The following SYN3 variants were observed in gnomAD, a reference collection of about 807,000 sequenced individuals.
The protein encoded by SYN3 is synapsin-3.
SYN3 carries 35 observed loss-of-function variants against 65.8 expected under a neutral mutation model. The observed-to-expected ratio is 0.53, with a 90% CI of 0.41 to 0.70. The LOEUF is 0.70. Ranked by LOEUF, SYN3 falls within the 30% of genes least tolerant of loss-of-function variation. The pLI is 0.00. For missense variants in SYN3, 680 were observed against 749.0 expected (o/e 0.91, Z 1.08); for synonymous variants, 270 against 292.9 (o/e 0.92, Z 0.80).
In SYN3 at chr22:32,509,559, GTAT is replaced by G. The variant is rs10554196; in HGVS notation, c.*4130_*4132del. Among the ~76,000 whole-genome samples, 69,673 of 149,548 alleles carry G rather than the reference GTAT, an allele frequency of 0.47. 17,183 individuals are homozygous for G. The highest frequency in any genetic ancestry group is 0.62 in the African/African-American group (25,146 of 40,364). On this transcript the variant is annotated 3_prime_UTR_variant, in exon 14 of 14. Transcript: ENST00000358763. ...GTTCATACACAGACCAATGGGGAAA[GTAT>G]TATTATTATTATTATTATTATTTTG...
At chr22:32,995,011 G>A (rs1056061076) in intron 2 of SYN3, among the ~76,000 whole-genome samples, 5 of 152,186 alleles carry the variant, frequency 3.3e-5, no homozygotes, top group Admixed American at 2.0e-4. Context: ...GAGGTTCGGA[G>A]GTTGGATTTG....
intron 6 of SYN3, among the ~76,000 whole-genome samples, chr22:32,631,834 A>G (rs2059751385): frequency 6.6e-6 from 1 of 152,214 alleles, no homozygotes; most frequent in Non-Finnish European, 1.5e-5. Flanking sequence ...GTGATGTATT[A>G]TTTGAACCCA....
intron 4 of SYN3, among the ~76,000 whole-genome samples, chr22:32,905,763 T>C (rs989973212): frequency 1.3e-5 from 2 of 152,324 alleles, no homozygotes; most frequent in South Asian, 2.1e-4. Flanking sequence ...TGCCCTCCTA[T>C]ATGGGCAGCT....
At chr22:32,877,275 G>A (rs9609646) in intron 4 of SYN3, among the ~76,000 whole-genome samples, 2 of 152,168 alleles carry the variant, frequency 1.3e-5, no homozygotes, top group Non-Finnish European at 2.9e-5. Flanking sequence ...AATACCATGA[G>A]ACTTCAGGCC....
chr22:32,577,308 A>G (rs932545124), intron 7 of SYN3, among the ~76,000 whole-genome samples: 4 of 152,144 alleles, frequency 2.6e-5, no homozygotes, highest in African/African-American at 9.7e-5. Flanking sequence ...GACACAGCTG[A>G]AGTTTCCCAC....
rs78527989 is a variant in SYN3 at position 32,910,183 on chromosome 22, C to T, written c.461+21207G>A. ...TTTATTTTAAAATGAATGGGTTAGGCTAGCCCACGTGTTTTTAAACTCTTG... is the reference window on the plus strand; with the variant it reads ...TTTATTTTAAAATGAATGGGTTAGGTTAGCCCACGTGTTTTTAAACTCTTG... On this transcript the variant is annotated intron_variant, in intron 4 of 13. Coordinates refer to ENST00000358763, the MANE Select transcript of SYN3 (RefSeq NM_003490.4). 9.2e-3 allele frequency among the ~76,000 whole-genome samples: 1,405 copies of T among 152,280 alleles called. 20 individuals are homozygous for T. Among genetic ancestry groups the T allele is most frequent in the African/African-American group, 0.032 (1,321 of 41,550 alleles).
intron 4 of SYN3, among the ~76,000 whole-genome samples, chr22:32,927,880 G>T (rs576927635): frequency 6.6e-6 from 1 of 152,102 alleles, no homozygotes; most frequent in Non-Finnish European, 1.5e-5. Context: ...TTATAGGTTG[G>T]CAATTAATTT....
chr22:32,575,845 A>G (rs2058842939), intron 7 of SYN3, among the ~76,000 whole-genome samples: 1 of 152,136 alleles, frequency 6.6e-6, no homozygotes, highest in Non-Finnish European at 1.5e-5. Context: ...TTAAAAAATA[A>G]ATAAAGTTCC....
At chr22:32,959,369 G>A (rs950788728) in intron 3 of SYN3, among the ~76,000 whole-genome samples, 7 of 151,814 alleles carry the variant, frequency 4.6e-5, no homozygotes, top group African/African-American at 1.5e-4. Context: ...GCCCAGTCTC[G>A]GGTATGTCTT....
chr22:32,870,861 G>A (rs935981777), intron 4 of SYN3, among the ~76,000 whole-genome samples: 4 of 152,116 alleles, frequency 2.6e-5, no homozygotes, highest in Non-Finnish European at 5.9e-5. Flanking sequence ...AAACAAAATA[G>A]GGTCTCCAGT....
intron 6 of SYN3, among the ~76,000 whole-genome samples, chr22:32,834,992 A>T (rs183987381): frequency 1.3e-4 from 20 of 152,094 alleles, no homozygotes; most frequent in African/African-American, 4.1e-4. Context: ...CAGCCATGTG[A>T]CCTCCGACCT....
intron 3 of SYN3, among the ~76,000 whole-genome samples, chr22:32,938,061 A>C (rs1243590852): frequency 6.6e-6 from 1 of 152,322 alleles, no homozygotes; most frequent in East Asian, 1.9e-4. Flanking sequence ...ACAGCAGGAC[A>C]TAGAATAACC....
intron 13 of SYN3, among the ~76,000 whole-genome samples, chr22:32,516,846 A>T (rs1272959205): frequency 6.6e-6 from 1 of 152,148 alleles, no homozygotes; most frequent in Non-Finnish European, 1.5e-5. Context: ...GGGGATAAGA[A>T]ATAGTTATTA....
intron 3 of SYN3, among the ~76,000 whole-genome samples, chr22:32,956,082 T>C (rs2051449157): frequency 7.5e-6 from 1 of 133,764 alleles, no homozygotes; most frequent in Non-Finnish European, 1.5e-5. Context: ...ATTAGTTCTG[T>C]CCCTGTAGAG....
intron 6 of SYN3, among the ~76,000 whole-genome samples, chr22:32,598,525 GCT>G (rs1569077252): frequency 6.6e-6 from 1 of 152,020 alleles, no homozygotes; most frequent in Non-Finnish European, 1.5e-5. Context: ...TCACTCTTTC[GCT>G]CAGGCTGAAG....
At chr22:32,789,154 A>C (rs1393094378) in intron 6 of SYN3, among the ~76,000 whole-genome samples, 1 of 152,238 alleles carries the variant, frequency 6.6e-6, no homozygotes, top group African/African-American at 2.4e-5. Context: ...GCCAGCAACC[A>C]GTTCATACAA....
At chr22:32,664,808 T>C (rs2147028829) in intron 6 of SYN3, among the ~76,000 whole-genome samples, 1 of 151,296 alleles carries the variant, frequency 6.6e-6, no homozygotes, top group South Asian at 2.1e-4. Flanking sequence ...GCCAGGATGG[T>C]CTCGATCTCC....
intron 9 of SYN3, among the ~76,000 whole-genome samples, chr22:32,534,277 C>T (rs762907): frequency 0.16 from 24,446 of 152,096 alleles, 2,026 homozygotes; most frequent in Middle Eastern, 0.29. Context: ...TGTCCCCATC[C>T]GGAGTCATCC....
At chr22:32,993,336 C>T (rs752661908) in intron 2 of SYN3, among the ~76,000 whole-genome samples, 8 of 152,132 alleles carry the variant, frequency 5.3e-5, no homozygotes, top group Non-Finnish European at 1.0e-4. Context: ...CATACATTTT[C>T]AATAAATCTC....
Sources: allele counts gnomAD v4.1 joint callset (sites outside exome capture counted in the v4.1 genomes callset), GRCh38; gene constraint gnomAD v4.1.1; transcripts MANE v1.5; gene names NCBI Gene and HGNC (gene_info 2026-07-23, HGNC 2026-07-21).